Variants in EVA1C observed in about 807,000 individuals in gnomAD.
The protein encoded by EVA1C is protein eva-1 homolog C.
EVA1C carries 25 observed loss-of-function variants against 45.4 expected under a neutral mutation model. The ratio of observed to expected loss-of-function variants is 0.55; its 90% CI spans 0.40 to 0.77. The LOEUF is 0.77. Ranked by LOEUF, EVA1C falls within the 30% of genes least tolerant of loss-of-function variation. The probability of loss-of-function intolerance (pLI) is 0.00; values close to 1 mark genes in which losing one functional copy is unlikely to be tolerated. For synonymous variants in EVA1C, 190 were observed against 221.2 expected (o/e 0.86, Z 1.25); for missense variants, 479 against 554.8 (o/e 0.86, Z 1.37).
intron 4 of EVA1C, among the ~76,000 whole-genome samples, chr21:32,490,657 G>A (rs1489400104): frequency 6.6e-6 from 1 of 152,214 alleles, no homozygotes; most frequent in East Asian, 1.9e-4. Flanking sequence ...TTGTGAATAT[G>A]CCACTATGAA....
At chr21:32,462,394 T>C (rs1462434992) in intron 3 of EVA1C, among the ~76,000 whole-genome samples, 1 of 152,132 alleles carries the variant, frequency 6.6e-6, no homozygotes, top group Non-Finnish European at 1.5e-5. Context: ...ATTTATTTAC[T>C]AAATAAAGAA....
At position 32,515,136 on chromosome 21, in the gene EVA1C, G is replaced by A. The variant is rs747633215; in HGVS notation, c.1272G>A (p.Trp424Ter). 3 of 1,613,046 alleles carry A rather than the reference G, an allele frequency of 1.9e-6. No individual in the cohort carries two copies. Among genetic ancestry groups the A allele is most frequent in the Admixed American group, 1.7e-5 (1 of 59,936 alleles). ...ERREQIIQEI[W>*]MNSGLDTSLP... ...GGGAGCAAATCATTCAGGAAATATG[G>A]ATGAACAGTGGTTTGGACACCTCGC... is the stretch of plus-strand genomic sequence containing the variant. The change falls in exon 8 of 8, where the codon TGG (tryptophan) becomes TGA (stop). Residue 424 changes from tryptophan to a stop codon, truncating the protein, a stop_gained. Coordinates refer to ENST00000300255, the MANE Select transcript of EVA1C (RefSeq NM_058187.5). LOFTEE classifies it high-confidence loss of function.
intron 1 of EVA1C, among the ~76,000 whole-genome samples, chr21:32,429,184 G>A (rs970168932): frequency 1.3e-5 from 2 of 150,920 alleles, no homozygotes; most frequent in African/African-American, 4.9e-5. Flanking sequence ...GGGATTTCAG[G>A]CACCCACCAC....
At chr21:32,496,754 G>A (rs563752952) in intron 5 of EVA1C, 32 of 645,626 alleles carry the variant, frequency 5.0e-5, no homozygotes, top group South Asian at 1.6e-4. Flanking sequence ...AGTTTTGGCC[G>A]GGGACCGGGA....
At chr21:32,453,556 C>G (rs866090163) in intron 2 of EVA1C, 48 bp downstream of exon 2, 1 of 1,266,774 alleles carries the variant, frequency 7.9e-7, no homozygotes, top group East Asian at 2.4e-5. Flanking sequence ...TCAACACACA[C>G]TCTTTCTCTC....
chr21:32,459,789 C>T (rs1047874085), intron 3 of EVA1C, among the ~76,000 whole-genome samples: 3 of 141,704 alleles, frequency 2.1e-5, no homozygotes, highest in Non-Finnish European at 4.5e-5. Flanking sequence ...TGCGGTGAGC[C>T]GAGATCGCGC....
chr21:32,448,204 G>A (rs1280575045), intron 1 of EVA1C, among the ~76,000 whole-genome samples: 1 of 152,132 alleles, frequency 6.6e-6, no homozygotes, highest in Admixed American at 6.5e-5. Flanking sequence ...AGAGCATTTG[G>A]GCAGCCTGTC....
At position 32,457,577 on chromosome 21, in the gene EVA1C, T is replaced by C. The variant is rs775891721; in HGVS notation, c.358-20T>C. On this transcript the variant is annotated intron_variant, in intron 2 of 7. Coordinates refer to ENST00000300255, the MANE Select transcript of EVA1C (RefSeq NM_058187.5). Reference sequence around the variant, plus strand: ...GTGAGCAGTTTTCAAGCCTGTCCCTTTTCTACCCTCTCCTTCTAGAAGGTG... The same window carrying C: ...GTGAGCAGTTTTCAAGCCTGTCCCTCTTCTACCCTCTCCTTCTAGAAGGTG... 6.2e-7 allele frequency: 1 copy of C among 1,614,000 alleles called. No homozygotes were observed. The highest frequency in any genetic ancestry group is 1.1e-5 in the South Asian group (1 of 91,072).
Position 32,474,244 on chromosome 21 carries a change from C to T in EVA1C, c.634+6396C>T, listed in dbSNP as rs2036478992. ...TTTATTTAAATTAAACCAGAGCACA[C>T]CGCACCTCCGCTTAAAGCCCTCCAC... On this transcript the variant is annotated intron_variant, in intron 4 of 7. Coordinates refer to ENST00000300255, the MANE Select transcript of EVA1C (RefSeq NM_058187.5). This position sits in a 1 kb window ranked among gnomAD's most constrained non-coding sequence, Gnocchi z 4.4. Among the ~76,000 whole-genome samples the T allele has an allele frequency of 6.6e-6, 1 of 152,196 alleles. No homozygotes were observed. Among genetic ancestry groups the T allele is most frequent in the African/African-American group, 2.4e-5 (1 of 41,456 alleles).
chr21:32,496,957 G>A lies in EVA1C; in HGVS notation c.778+1787G>A, dbSNP rs532425992. 18 of 1,397,994 alleles carry A rather than the reference G, an allele frequency of 1.3e-5. No individual in the cohort carries two copies. In the African/African-American group the frequency reaches 1.7e-4, roughly 13 times the overall value. 86.6% of individuals were successfully genotyped at this position (1,397,994 alleles called of 1,614,324 possible). A position where few individuals can be genotyped will look rare whatever the true frequency, so the allele number is the denominator to read the frequency against. On this transcript the variant is annotated intron_variant, in intron 5 of 7. Transcript: ENST00000300255. ...TGCAACTAAAAGAAACAGACCAAAT[G>A]TGCAGGTTGGAGATCTCATCTATGG...
chr21:32,479,315 C>A (rs576545743), intron 4 of EVA1C, among the ~76,000 whole-genome samples: 8 of 151,962 alleles, frequency 5.3e-5, no homozygotes, highest in Admixed American at 3.3e-4. Flanking sequence ...CCTAGCTACT[C>A]GGGAGGCTGA....
chr21:32,514,841 T>A lies in EVA1C; in HGVS notation c.977T>A (p.Phe326Tyr). 6.3e-7 allele frequency: 1 copy of A among 1,590,432 alleles called. No individual in the cohort carries two copies. The highest frequency in any genetic ancestry group is 8.6e-7 in the Non-Finnish European group (1 of 1,166,234). Residue 326 changes from phenylalanine to tyrosine, a missense_variant, in exon 8 of 8, where the codon TTC (phenylalanine) becomes TAC (tyrosine). Around this residue, in one of 3 missense-constraint regions of EVA1C, gnomAD observed 366 missense variants for 426.1 expected, o/e 0.86. Transcript: ENST00000300255. ...RAHPERAALL[F>Y]VSSVCIGLAL... ...CACCCGGAGAGAGCTGCCCTGCTGT[T>A]CGTGTCCAGTGTCTGCATCGGCCTG...
chr21:32,511,835 G>T (rs2037965279), intron 7 of EVA1C, among the ~76,000 whole-genome samples: 1 of 152,114 alleles, frequency 6.6e-6, no homozygotes, highest in African/African-American at 2.4e-5. Flanking sequence ...GTGTTGACCA[G>T]GGACATTGAC....
chr21:32,468,592 A>G (rs1215397174), intron 4 of EVA1C, among the ~76,000 whole-genome samples: 1 of 152,078 alleles, frequency 6.6e-6, no homozygotes, highest in Non-Finnish European at 1.5e-5. Context: ...AAGGAGAGCC[A>G]GTTCAAGCCT....
intron 4 of EVA1C, among the ~76,000 whole-genome samples, chr21:32,480,617 G>A (rs1441634328): frequency 6.6e-6 from 1 of 152,176 alleles, no homozygotes; most frequent in African/African-American, 2.4e-5. Context: ...GCAGTGAACC[G>A]TGTCTGCGCC....
At chr21:32,484,822 G>A (rs151183897) in intron 4 of EVA1C, among the ~76,000 whole-genome samples, 1,664 of 152,250 alleles carry the variant, frequency 0.011, 31 homozygotes, top group African/African-American at 0.038. Context: ...CTGTCTGTCC[G>A]CCGAGCAGCC....
chr21:32,449,268 C>T (rs997516734), intron 1 of EVA1C, among the ~76,000 whole-genome samples: 6 of 152,202 alleles, frequency 3.9e-5, no homozygotes, highest in African/African-American at 1.2e-4. Flanking sequence ...TGGTGTTGTA[C>T]GTTGCATGGG....
At position 32,482,674 on chromosome 21, in the gene EVA1C, G is replaced by A. The variant is rs141583873; in HGVS notation, c.635-12353G>A. ...ATGCCTCGAACCCCAGCAGCTGTCA[G>A]CCCAATGGGAGATCCAGGCACAAAC... On this transcript the variant is annotated intron_variant, in intron 4 of 7. Coordinates refer to ENST00000300255, the MANE Select transcript of EVA1C (RefSeq NM_058187.5). Among the ~76,000 whole-genome samples the A allele has an allele frequency of 7.6e-4, 116 of 152,240 alleles. No individual in the cohort carries two copies. In the Middle Eastern group the frequency reaches 0.01, roughly 13 times the overall value.
chr21:32,440,176 C>G (rs1392579873), intron 1 of EVA1C, among the ~76,000 whole-genome samples: 1 of 152,074 alleles, frequency 6.6e-6, no homozygotes, highest in Non-Finnish European at 1.5e-5. Flanking sequence ...CTGGCCAATT[C>G]CAAGCAGAAA....
Sources: allele counts gnomAD v4.1 joint callset (sites outside exome capture counted in the v4.1 genomes callset), GRCh38; gene constraint gnomAD v4.1.1; regional missense constraint gnomAD v4.1.1; non-coding constraint Gnocchi (gnomAD v3.1); transcripts MANE v1.5; gene names NCBI Gene and HGNC (gene_info 2026-07-23, HGNC 2026-07-21).